The following ATP6V0A4 variants were observed in gnomAD, a reference collection of about 807,000 sequenced individuals.
The protein encoded by ATP6V0A4 is V-type proton ATPase 116 kDa subunit a 4.
In ATP6V0A4, 86 loss-of-function variants were observed where a neutral mutation model predicts 107.3. That is an observed-to-expected ratio of 0.80 (90% CI 0.67 to 0.96). The LOEUF (loss-of-function observed/expected upper bound fraction) is 0.96, where lower values mean the gene tolerates loss of function less well. Ranked by LOEUF, ATP6V0A4 falls within the 40% of genes least tolerant of loss-of-function variation. The probability of loss-of-function intolerance (pLI) is 0.00; values close to 1 mark genes in which losing one functional copy is unlikely to be tolerated. For missense variants in ATP6V0A4, 908 were observed against 1,045.6 expected (o/e 0.87, Z 1.81); for synonymous variants, 353 against 381.4 (o/e 0.93, Z 0.87).
At position 138,767,215 on chromosome 7, in the gene ATP6V0A4, G is replaced by A. The variant is rs189969560; in HGVS notation, c.291+1565C>T. On this transcript the variant is annotated intron_variant, in intron 5 of 21. Transcript: ENST00000310018. Reference sequence around the variant, plus strand: ...TTTACATACTTTTCCATTTTAATTTGTAATACAGTCAAAAATCAATAAACA... The same window carrying A: ...TTTACATACTTTTCCATTTTAATTTATAATACAGTCAAAAATCAATAAACA... Among the ~76,000 whole-genome samples the A allele has an allele frequency of 1.1e-3, 169 of 152,158 alleles. 1 individual carries two copies. Among genetic ancestry groups the A allele is most frequent in the Non-Finnish European group, 1.9e-3 (127 of 68,014 alleles).
intron 15 of ATP6V0A4, among the ~76,000 whole-genome samples, chr7:138,734,868 TA>T (rs1162749880): frequency 1.3e-5 from 2 of 151,778 alleles, no homozygotes; most frequent in African/African-American, 4.8e-5. Flanking sequence ...TCATGGCCTA[TA>T]GCTCATTGGC....
At position 138,737,115 on chromosome 7, in the gene ATP6V0A4, A is replaced by ATATATATATATATATATATATAT. The variant is rs540225443; in HGVS notation, c.1572+2424_1572+2425insATATATATATATATATATATATA. 5.6e-3 allele frequency among the ~76,000 whole-genome samples: 485 copies of ATATATATATATATATATATATAT among 86,516 alleles called. 67 individuals carry two copies. The highest frequency in any genetic ancestry group is 8.9e-3 in the South Asian group (21 of 2,366). The allele number at this position is 86,516 out of a possible 152,430, so 56.8% of individuals were successfully genotyped here. A position where few individuals can be genotyped will look rare whatever the true frequency, so the allele number is the denominator to read the frequency against. On this transcript the variant is annotated intron_variant, in intron 15 of 21. Coordinates refer to ENST00000310018, the MANE Select transcript of ATP6V0A4 (RefSeq NM_020632.3). Reference sequence around the variant, plus strand: ...GTTATGTAAAAAGTAAGCCCTTATTAATATATATATATGATACAAACTAAC... The same window carrying ATATATATATATATATATATATAT: ...GTTATGTAAAAAGTAAGCCCTTATTATATATATATATATATATATATATATATATATATATGATACAAACTAAC...
Position 138,715,890 on chromosome 7 carries a change from C to A in ATP6V0A4, c.2140-9G>T. The A allele has an allele frequency of 6.2e-7, 1 of 1,611,802 alleles. No individual in the cohort carries two copies. Among genetic ancestry groups the A allele is most frequent in the South Asian group, 1.1e-5 (1 of 91,026 alleles). On this transcript the variant is annotated splice_polypyrimidine_tract_variant and intron_variant, in intron 19 of 21. Transcript: ENST00000310018. ...ACGTCTCCAAAGTTGAACTGAAAGA[C>A]GGAATTGTTTATTTTACTTCATTGA... is the stretch of plus-strand genomic sequence containing the variant.
chr7:138,752,860 G>A lies in ATP6V0A4; in HGVS notation c.817-23C>T, dbSNP rs760959558. ...GACCTATACAAAAAACAACACACAGGAAAACAGAGAACCTTCACAGAGCTG... is the reference window on the plus strand; with the variant it reads ...GACCTATACAAAAAACAACACACAGAAAAACAGAGAACCTTCACAGAGCTG... On this transcript the variant is annotated intron_variant, in intron 10 of 21. Coordinates refer to ENST00000310018, the MANE Select transcript of ATP6V0A4 (RefSeq NM_020632.3). The A allele has an allele frequency of 3.7e-6, 6 of 1,612,160 alleles. No homozygotes were observed. In the South Asian group the frequency reaches 5.5e-5, roughly 15 times the overall value.
intron 18 of ATP6V0A4, among the ~76,000 whole-genome samples, chr7:138,728,012 C>T (rs1055662763): frequency 2.6e-5 from 4 of 152,026 alleles, no homozygotes; most frequent in Non-Finnish European, 5.9e-5. Flanking sequence ...CTTCTAATTC[C>T]CTGACACAAT....
intron 1 of ATP6V0A4, among the ~76,000 whole-genome samples, chr7:138,796,007 G>C (rs145115479): frequency 6.6e-6 from 1 of 152,190 alleles, no homozygotes; most frequent in Admixed American, 6.5e-5. Context: ...AAACATTTTT[G>C]AGATCCTTGG....
At chr7:138,747,589 C>A in intron 12 of ATP6V0A4, 25 bp from the exon 13 acceptor site, 2 of 1,613,104 alleles carry the variant, frequency 1.2e-6, no homozygotes, top group South Asian at 2.2e-5. Flanking sequence ...CACACAACGC[C>A]TGAGGCCTCA....
At chr7:138,752,553 G>T in intron 11 of ATP6V0A4, 72 bp downstream of exon 11, 1 of 1,583,156 alleles carries the variant, frequency 6.3e-7, no homozygotes, top group South Asian at 1.1e-5. Context: ...TGGCCCATGA[G>T]GCCAACACCC....
intron 12 of ATP6V0A4, among the ~76,000 whole-genome samples, chr7:138,748,398 C>CATATT (rs1806063515): frequency 6.6e-6 from 1 of 151,856 alleles, no homozygotes; most frequent in East Asian, 1.9e-4. Flanking sequence ...TCTATCCTTT[C>CATATT]ATTTTATTTT....
rs1808733915 is a variant in ATP6V0A4, at chr7:138,797,384, A to G, written c.-121+650T>C. Among the ~76,000 whole-genome samples, 3 of 151,504 alleles carry G rather than the reference A, an allele frequency of 2.0e-5. No individual in the cohort carries two copies. The South Asian group carries it at 6.3e-4, about 32-fold the overall frequency. On this transcript the variant is annotated intron_variant, in intron 1 of 21. Coordinates refer to ENST00000310018, the MANE Select transcript of ATP6V0A4 (RefSeq NM_020632.3). ...AGGCATGCACCACCACACCTGGCTA[A>G]TTTTTGTATTTTTATTAGAGATGGG...
chr7:138,794,526 A>C (rs146103609), intron 1 of ATP6V0A4, among the ~76,000 whole-genome samples: 404 of 152,238 alleles, frequency 2.7e-3, no homozygotes, highest in African/African-American at 9.5e-3. Flanking sequence ...GTGAAATTGG[A>C]AGCAGTAAGA....
At chr7:138,739,716 C>T in intron 14 of ATP6V0A4, 83 bp from the exon 15 acceptor site, 1 of 1,568,164 alleles carries the variant, frequency 6.4e-7, no homozygotes, top group Non-Finnish European at 8.6e-7. Context: ...CACGAACTTG[C>T]CCATCAAAGT....
intron 1 of ATP6V0A4, among the ~76,000 whole-genome samples, chr7:138,787,536 G>A (rs1019355089): frequency 2.0e-5 from 3 of 152,058 alleles, no homozygotes; most frequent in Non-Finnish European, 4.4e-5. Flanking sequence ...CCTGTAGCCC[G>A]AGCTACTAAG....
chr7:138,740,108 A>G (rs1805548223), intron 14 of ATP6V0A4, among the ~76,000 whole-genome samples: 1 of 151,120 alleles, frequency 6.6e-6, no homozygotes. Flanking sequence ...GAAAAAAAAA[A>G]AAAAGGGAGA....
At position 138,735,925 on chromosome 7, in the gene ATP6V0A4, T is replaced by C. The variant is rs1456811205; in HGVS notation, c.1573-1671A>G. Among the ~76,000 whole-genome samples, 8 of 39,252 alleles carry C rather than the reference T, an allele frequency of 2.0e-4. No homozygotes were observed. The East Asian group carries it at 0.029, about 143-fold the overall frequency. 25.8% of individuals were successfully genotyped at this position (39,252 alleles called of 152,430 possible). On this transcript the variant is annotated intron_variant, in intron 15 of 21. Transcript: ENST00000310018. ...GCTTTTTTAAAAAATTAGCCCAGCA[T>C]GGCATGGTGGCTTATGCCTGTAATC...
chr7:138,740,401 T>C (rs1389541096), intron 14 of ATP6V0A4, among the ~76,000 whole-genome samples: 1 of 151,032 alleles, frequency 6.6e-6, no homozygotes, highest in Non-Finnish European at 1.5e-5. Flanking sequence ...CCCAGAAGAA[T>C]GGATGTCAAT....
At chr7:138,751,880 G>A (rs758364935) in intron 11 of ATP6V0A4, among the ~76,000 whole-genome samples, 1 of 152,170 alleles carries the variant, frequency 6.6e-6, no homozygotes, top group African/African-American at 2.4e-5. Flanking sequence ...GCGCGTGCCT[G>A]TAGTCCTAGC....
chr7:138,732,798 A>T (rs1805087175), intron 17 of ATP6V0A4, 79 bp downstream of exon 17: 1 of 1,410,964 alleles, frequency 7.1e-7, no homozygotes, highest in African/African-American at 1.5e-5. Context: ...TTTCTCAAAA[A>T]AAAAAAAAGA....
At position 138,745,387 on chromosome 7, in the gene ATP6V0A4, G is replaced by T. The variant is rs1007725704; in HGVS notation, c.1321-107C>A. On this transcript the variant is annotated intron_variant, in intron 13 of 21. Coordinates refer to ENST00000310018, the MANE Select transcript of ATP6V0A4 (RefSeq NM_020632.3). ...CAGCATCACCGGTGCAGGCACCCTTGGGGGAGCCACATGACCACAGCAGAC... is the reference window on the plus strand; with the variant it reads ...CAGCATCACCGGTGCAGGCACCCTTTGGGGAGCCACATGACCACAGCAGAC... The T allele has an allele frequency of 1.6e-5, 24 of 1,538,528 alleles. No homozygotes were observed. The African/African-American group carries it at 2.7e-4, about 17-fold the overall frequency.
Sources: allele counts gnomAD v4.1 joint callset (sites outside exome capture counted in the v4.1 genomes callset), GRCh38; gene constraint gnomAD v4.1.1; transcripts MANE v1.5; gene names NCBI Gene and HGNC (gene_info 2026-07-23, HGNC 2026-07-21).